The following PPP1CB variants were observed in gnomAD, a reference collection of about 807,000 sequenced individuals.
The protein encoded by PPP1CB is protein phosphatase 1 catalytic subunit beta, also known as serine/threonine-protein phosphatase PP1-beta catalytic subunit.
A neutral mutation model predicts 43.7 loss-of-function variants in PPP1CB; 2 were observed. The observed-to-expected ratio is 0.05, with a 90% CI of 0.02 to 0.14. The LOEUF is 0.14. PPP1CB is among the 10% of genes least tolerant of loss of function. PPP1CB has a pLI of 1.00. For synonymous variants in PPP1CB, 136 were observed against 135.6 expected (o/e 1.00, Z -0.02); for missense variants, 84 against 398.0 (o/e 0.21, Z 6.71).
chr2:28,752,189 C>T lies in PPP1CB; in HGVS notation c.52+13C>T, dbSNP rs1285640937. ...CGGCTGCTGGAGGGTGAGTGCGCGC[C>T]TGGCCGCGGGACAGAGGGAGGTCGG... On this transcript the variant is annotated intron_variant, in intron 1 of 7. Transcript: ENST00000395366. 1.3e-6 allele frequency: 2 copies of T among 1,540,822 alleles called. No homozygotes were observed. Among genetic ancestry groups the T allele is most frequent in the Non-Finnish European group, 1.8e-6 (2 of 1,141,562 alleles).
Position 28,778,930 on chromosome 2 carries a change from C to T in PPP1CB, c.306C>T (p.Thr102=). Reference sequence around the variant, plus strand: ...ACAGAGGAAAGCAGTCTTTGGAAACCATTTGTTTGCTATTGGCTTATAAAA... The same window carrying T: ...ACAGAGGAAAGCAGTCTTTGGAAACTATTTGTTTGCTATTGGCTTATAAAA... ...YVDRGKQSLE[T]ICLLLAYKIK... is the part of the protein sequence containing the mutation. The change falls in exon 3 of 8, where the codon ACC becomes ACT. Residue 102 remains threonine (T), a synonymous_variant. Transcript: ENST00000395366. The T allele has an allele frequency of 6.2e-7, 1 of 1,611,046 alleles. No homozygotes were observed. Among genetic ancestry groups the T allele is most frequent in the South Asian group, 1.1e-5 (1 of 91,012 alleles).
Position 28,801,793 on chromosome 2 carries a change from TGTG to T in PPP1CB, c.*2494_*2496del, listed in dbSNP as rs1282875595. On this transcript the variant is annotated 3_prime_UTR_variant, in exon 8 of 8. Coordinates refer to ENST00000395366, the MANE Select transcript of PPP1CB (RefSeq NM_002709.3). ...GAAACACAGTAGATATCTGTTATAA[TGTG>T]GTGTATCACATGGATTATAAAGCAA... 29 of 152,210 alleles carry T rather than the reference TGTG, an allele frequency of 1.9e-4. No individual in the cohort carries two copies. Among genetic ancestry groups the T allele is most frequent in the Non-Finnish European group, 1.3e-4 (9 of 68,022 alleles). 9.4% of individuals were successfully genotyped at this position (152,210 alleles called of 1,614,324 possible).
chr2:28,764,116 A>G (rs531482698), intron 1 of PPP1CB, among the ~76,000 whole-genome samples: 131 of 152,048 alleles, frequency 8.6e-4, no homozygotes, highest in Non-Finnish European at 1.5e-3. Flanking sequence ...GATGGGGAGG[A>G]AAGGAAGACA....
rs1666299793 is a variant in PPP1CB at position 28,751,996 on chromosome 2, G to C, written c.-129G>C. On this transcript the variant is annotated 5_prime_UTR_variant, in exon 1 of 8. Transcript: ENST00000395366. ...GGGGTGGGGGGAGGGCCCGGGAAAAGGGGGAGTTGGAGCCGGGGTCGAAAC... is the reference window on the plus strand; with the variant it reads ...GGGGTGGGGGGAGGGCCCGGGAAAACGGGGAGTTGGAGCCGGGGTCGAAAC... 2 of 873,238 alleles carry C rather than the reference G, an allele frequency of 2.3e-6. No homozygotes were observed. The highest frequency in any genetic ancestry group is 4.0e-5 in the Admixed American group (2 of 49,590). 54.1% of individuals were successfully genotyped at this position (873,238 alleles called of 1,614,324 possible). A position where few individuals can be genotyped will look rare whatever the true frequency, so the allele number is the denominator to read the frequency against.
chr2:28,763,149 G>A (rs1226738133), intron 1 of PPP1CB, among the ~76,000 whole-genome samples: 1 of 152,194 alleles, frequency 6.6e-6, no homozygotes, highest in Admixed American at 6.5e-5. Context: ...TTTCCTTTGC[G>A]ACAACCATTG....
chr2:28,798,073 T>A (rs1667534226), intron 7 of PPP1CB, among the ~76,000 whole-genome samples: 1 of 152,144 alleles, frequency 6.6e-6, no homozygotes, highest in African/African-American at 2.4e-5. Context: ...GTTGTCATAG[T>A]GGTGTTGGAT....
intron 1 of PPP1CB, among the ~76,000 whole-genome samples, chr2:28,757,666 CT>C (rs959683275): frequency 6.6e-6 from 1 of 152,108 alleles, no homozygotes; most frequent in Non-Finnish European, 1.5e-5. Flanking sequence ...CTCCTTGATT[CT>C]TCTGGATGAG....
chr2:28,755,387 A>G (rs1437558366), intron 1 of PPP1CB, among the ~76,000 whole-genome samples: 1 of 152,202 alleles, frequency 6.6e-6, no homozygotes, highest in African/African-American at 2.4e-5. Flanking sequence ...TAATACAAAC[A>G]TGCCATTTAA....
intron 4 of PPP1CB, 137 bp downstream of exon 4, chr2:28,781,979 G>C (rs1310793721): frequency 1.5e-6 from 1 of 679,938 alleles, no homozygotes; most frequent in Non-Finnish European, 2.6e-6. Context: ...TTTAAACATG[G>C]CTAAACCTCT....
chr2:28,764,266 C>G (rs1325577150), intron 1 of PPP1CB, among the ~76,000 whole-genome samples: 1 of 151,778 alleles, frequency 6.6e-6, no homozygotes, highest in Non-Finnish European at 1.5e-5. Context: ...CGAGACCATC[C>G]TAGCTAACAT....
At chr2:28,797,716 ATCTTT>A (rs1011570821) in intron 7 of PPP1CB, among the ~76,000 whole-genome samples, 1 of 151,786 alleles carries the variant, frequency 6.6e-6, no homozygotes, top group Non-Finnish European at 1.5e-5. Flanking sequence ...GCTTATTTGG[ATCTTT>A]TCTTAATCTA....
chr2:28,802,228 A>G lies in PPP1CB; in HGVS notation c.*2925A>G, dbSNP rs950833682. 14 of 152,240 alleles carry G rather than the reference A, an allele frequency of 9.2e-5. No individual in the cohort carries two copies. The highest frequency in any genetic ancestry group is 5.9e-5 in the Non-Finnish European group (4 of 68,048). The allele number at this position is 152,240 out of a possible 1,614,324, so 9.4% of individuals were successfully genotyped here. A position where few individuals can be genotyped will look rare whatever the true frequency, so the allele number is the denominator to read the frequency against. ...ATATAAAGATGTATTATTTTAAGCC[A>G]AGGAGCTGAAATATATCTCAGTTTA... is the stretch of plus-strand genomic sequence containing the variant. On this transcript the variant is annotated 3_prime_UTR_variant, in exon 8 of 8. Coordinates refer to ENST00000395366, the MANE Select transcript of PPP1CB (RefSeq NM_002709.3).
intron 6 of PPP1CB, among the ~76,000 whole-genome samples, chr2:28,790,103 A>G (rs1337470125): frequency 6.6e-6 from 1 of 152,086 alleles, no homozygotes; most frequent in Non-Finnish European, 1.5e-5. Context: ...GCAACATGAC[A>G]AAACTCTGTC....
intron 1 of PPP1CB, among the ~76,000 whole-genome samples, chr2:28,774,827 T>C (rs1393359394): frequency 6.6e-6 from 1 of 152,156 alleles, no homozygotes; most frequent in Non-Finnish European, 1.5e-5. Context: ...AAGTAGGTAA[T>C]TGATGTTTGA....
intron 1 of PPP1CB, among the ~76,000 whole-genome samples, chr2:28,752,416 G>C (rs572947756): frequency 6.6e-6 from 1 of 152,282 alleles, no homozygotes; most frequent in Non-Finnish European, 1.5e-5. Flanking sequence ...GGACCCTCGG[G>C]GGCCAGGCCC....
intron 1 of PPP1CB, among the ~76,000 whole-genome samples, chr2:28,764,039 G>A (rs909391327): frequency 3.3e-5 from 5 of 152,046 alleles, no homozygotes; most frequent in Non-Finnish European, 7.4e-5. Context: ...TAAGATGAGA[G>A]GGAAGTACAG....
chr2:28,794,052 A>G (rs1254399225), intron 7 of PPP1CB, 55 bp downstream of exon 7: 24 of 1,450,894 alleles, frequency 1.7e-5, no homozygotes, highest in Non-Finnish European at 2.3e-5. Context: ...AACTATTATC[A>G]GAATTCGTTT....
chr2:28,783,393 A>T (rs868529174), intron 4 of PPP1CB, among the ~76,000 whole-genome samples: 1 of 152,088 alleles, frequency 6.6e-6, no homozygotes, highest in Admixed American at 6.5e-5. Flanking sequence ...GTAGGGAAAA[A>T]TGGAAAAAAA....
chr2:28,766,367 T>C (rs1419842360), intron 1 of PPP1CB, among the ~76,000 whole-genome samples: 1 of 152,248 alleles, frequency 6.6e-6, no homozygotes, highest in Non-Finnish European at 1.5e-5. Context: ...ATGCCTGTGG[T>C]TCAGTAATAC....
Sources: allele counts gnomAD v4.1 joint callset (sites outside exome capture counted in the v4.1 genomes callset), GRCh38; gene constraint gnomAD v4.1.1; transcripts MANE v1.5; gene names NCBI Gene and HGNC (gene_info 2026-07-23, HGNC 2026-07-21).